TFEC: variants seen among roughly 807,000 people sequenced by gnomAD.
TFEC encodes the protein class E basic helix-loop-helix protein 34.
In TFEC, 31 loss-of-function variants were observed where a neutral mutation model predicts 41.6. The observed-to-expected ratio is 0.74, with a 90% CI of 0.56 to 1.01. The LOEUF (loss-of-function observed/expected upper bound fraction) is 1.01, where lower values mean the gene tolerates loss of function less well. TFEC is among the 50% of genes least tolerant of loss of function. The pLI is 0.00. For synonymous variants in TFEC, 143 were observed against 140.6 expected (o/e 1.02, Z -0.12); for missense variants, 402 against 404.1 (o/e 0.99, Z 0.04).
chr7:116,101,409 A>C (rs534145105), intron 3 of TFEC, among the ~76,000 whole-genome samples: 2 of 152,302 alleles, frequency 1.3e-5, no homozygotes, highest in East Asian at 3.9e-4. Context: ...AAGAAAGAGA[A>C]GGGAATTGCA....
At chr7:116,020,612 C>T (rs1795360082) in intron 1 of TFEC, among the ~76,000 whole-genome samples, 1 of 152,094 alleles carries the variant, frequency 6.6e-6, no homozygotes, top group African/African-American at 2.4e-5. Flanking sequence ...TAACATGTTT[C>T]CTTTCCTTGT....
Position 115,950,939 on chromosome 7 carries a change from T to C in TFEC, c.450A>G (p.Arg150=), listed in dbSNP as rs746051410. The change falls in exon 6 of 8, where the codon AGA becomes AGG. Residue 150 remains arginine, a synonymous_variant. Transcript: ENST00000265440. The part of the protein sequence containing the change: ...KKDNHNLIER[R]RRYNINYRIK... ...TTCGGTAATTAATATTATACCTTCT[T>C]CTTCTTTCAACTATTAAAGAAGAAA... is the stretch of plus-strand genomic sequence containing the variant. 3.1e-6 allele frequency: 5 copies of C among 1,587,522 alleles called. No homozygotes were observed. The South Asian group carries it at 3.4e-5, about 11-fold the overall frequency.
intron 3 of TFEC, among the ~76,000 whole-genome samples, chr7:116,092,503 A>G (rs985574498): frequency 4.6e-5 from 7 of 152,216 alleles, no homozygotes; most frequent in Admixed American, 4.6e-4. Flanking sequence ...TTAGTATTTT[A>G]CATTTCAGTG....
At chr7:116,159,213 T>C (rs1047634560) in intron 1 of TFEC, among the ~76,000 whole-genome samples, 3 of 152,000 alleles carry the variant, frequency 2.0e-5, no homozygotes, top group Non-Finnish European at 2.9e-5. Flanking sequence ...TACTAAATTA[T>C]GAAATTCAAA....
At chr7:116,036,082 T>C (rs748821051) in intron 3 of TFEC, among the ~76,000 whole-genome samples, 14 of 152,058 alleles carry the variant, frequency 9.2e-5, no homozygotes, top group South Asian at 4.1e-4. Flanking sequence ...GTTAAAAACA[T>C]ATAATATATA....
chr7:116,054,613 A>T (rs1393487584), intron 3 of TFEC, among the ~76,000 whole-genome samples: 2 of 152,216 alleles, frequency 1.3e-5, no homozygotes, highest in African/African-American at 4.8e-5. Context: ...CAAATAAAAA[A>T]TACAGGATGC....
intron 3 of TFEC, among the ~76,000 whole-genome samples, chr7:116,087,064 T>G (rs1797219090): frequency 6.6e-6 from 1 of 151,966 alleles, no homozygotes; most frequent in Non-Finnish European, 1.5e-5. Context: ...TACAAGGAAT[T>G]TCATGGCAAA....
chr7:115,994,135 G>T (rs1357569831), intron 1 of TFEC, among the ~76,000 whole-genome samples: 1 of 152,136 alleles, frequency 6.6e-6, no homozygotes. Context: ...AATGGTGCTG[G>T]GAAACCTGGC....
rs73462556 is a variant in TFEC at position 116,091,204 on chromosome 7, C to T, written c.198+19504G>A. Reference sequence around the variant, plus strand: ...ATACTTTTTCTTCTAATTCCTTATGCATAAAACTTCTTCAGGGAAATTGGT... The same window carrying T: ...ATACTTTTTCTTCTAATTCCTTATGTATAAAACTTCTTCAGGGAAATTGGT... On this transcript the variant is annotated intron_variant, in intron 3 of 8. Transcript: ENST00000484212. 2.7e-3 allele frequency among the ~76,000 whole-genome samples: 412 copies of T among 152,234 alleles called. 3 individuals carry two copies. The highest frequency in any genetic ancestry group is 9.6e-3 in the African/African-American group (398 of 41,550).
intron 3 of TFEC, among the ~76,000 whole-genome samples, chr7:116,046,479 C>T (rs76259311): frequency 0.061 from 9,249 of 152,122 alleles, 342 homozygotes; most frequent in Middle Eastern, 0.11. Flanking sequence ...TGCCATGATT[C>T]GAAGGCCTTC....
At chr7:116,036,932 T>C (rs1300618349) in intron 3 of TFEC, among the ~76,000 whole-genome samples, 1 of 152,062 alleles carries the variant, frequency 6.6e-6, no homozygotes, top group Non-Finnish European at 1.5e-5. Context: ...AGTTGGCCAC[T>C]AAGGCAACAG....
chr7:116,144,322 T>C (rs565601309), intron 1 of TFEC, among the ~76,000 whole-genome samples: 1 of 152,320 alleles, frequency 6.6e-6, no homozygotes, highest in Admixed American at 6.5e-5. Context: ...TCACAAGGCA[T>C]AACCCAAAGG....
At chr7:115,990,453 C>T (rs927153009) in intron 1 of TFEC, among the ~76,000 whole-genome samples, 6 of 152,062 alleles carry the variant, frequency 3.9e-5, no homozygotes, top group African/African-American at 1.2e-4. Flanking sequence ...GGAGGATGTT[C>T]GAACTCATCA....
At chr7:115,990,533 C>T (rs565122357) in intron 1 of TFEC, among the ~76,000 whole-genome samples, 1 of 152,200 alleles carries the variant, frequency 6.6e-6, no homozygotes, top group South Asian at 2.1e-4. Flanking sequence ...TAGAGAAGAC[C>T]TTGAATGACC....
intron 2 of TFEC, among the ~76,000 whole-genome samples, chr7:115,979,288 T>A (rs543523879): frequency 4.3e-4 from 65 of 152,274 alleles, no homozygotes; most frequent in Non-Finnish European, 1.8e-4. Flanking sequence ...TGCTGATTAC[T>A]TACTTCTTTG....
Position 115,956,721 on chromosome 7 carries a change from C to A in TFEC, c.340G>T (p.Ala114Ser), listed in dbSNP as rs1195581831. 2 of 1,610,286 alleles carry A rather than the reference C, an allele frequency of 1.2e-6. No homozygotes were observed. Among genetic ancestry groups the A allele is most frequent in the South Asian group, 1.1e-5 (1 of 90,774 alleles). ...ISPINMGLTS[A>S]SCPSSLPMKR... ...ATTGGTAGACTACTTGGACAAGAAG[C>A]ACTTGTAAGCCCCATGTTAATTGGT... The change falls in exon 4 of 8, where the codon GCT becomes TCT. Residue 114 changes from alanine (A) to serine (S), a missense_variant. Ala to Ser is a moderately conservative substitution (Grantham distance 99). Coordinates refer to ENST00000265440, the MANE Select transcript of TFEC (RefSeq NM_012252.4).
intron 3 of TFEC, among the ~76,000 whole-genome samples, chr7:116,048,102 C>T (rs1378984579): frequency 6.6e-6 from 1 of 152,190 alleles, no homozygotes; most frequent in Non-Finnish European, 1.5e-5. Context: ...AACACAGCTC[C>T]TTGCCAGCAA....
chr7:116,062,489 AAT>A (rs983908656), intron 3 of TFEC, among the ~76,000 whole-genome samples: 2 of 142,706 alleles, frequency 1.4e-5, no homozygotes, highest in Admixed American at 1.4e-4. Context: ...CACTAAGAAT[AAT>A]AGTCTCTAAT....
chr7:116,040,332 A>ATT (rs1796006035), intron 3 of TFEC, among the ~76,000 whole-genome samples: 1 of 152,156 alleles, frequency 6.6e-6, no homozygotes, highest in African/African-American at 2.4e-5. Flanking sequence ...AAAAGTGAAT[A>ATT]TATGCACACA....
Sources: gnomAD v4.1 joint callset for allele counts (sites outside exome capture counted in the v4.1 genomes callset) on GRCh38, gnomAD v4.1.1 for gene constraint, MANE v1.5 for transcripts, NCBI Gene and HGNC (gene_info 2026-07-23, HGNC 2026-07-21) for gene names.